Variants in ADGRB1 observed in about 807,000 individuals in gnomAD.
ADGRB1 encodes the protein adhesion G protein-coupled receptor B1.
Under a neutral mutation model 175.7 loss-of-function variants are expected in ADGRB1, and 36 were observed. The observed-to-expected ratio is 0.20, with a 90% CI of 0.16 to 0.27. The LOEUF is 0.27. Among genes scored for constraint, ADGRB1 ranks in the 10% least tolerant of loss-of-function variants. ADGRB1 has a pLI of 1.00. For synonymous variants in ADGRB1, 1,054 were observed against 979.4 expected, an observed-to-expected ratio of 1.08 and a Z score of -1.42; for missense variants, 1,731 against 2,255.3, an observed-to-expected ratio of 0.77 and a Z score of 4.71.
chr8:142,452,903 G>A (rs1275141637), intron 1 of ADGRB1, among the ~76,000 whole-genome samples: 1 of 148,592 alleles, frequency 6.7e-6, no homozygotes, highest in Non-Finnish European at 1.5e-5. Flanking sequence ...GCGCGCTGCC[G>A]CTGACTGCCG....
intron 17 of ADGRB1, among the ~76,000 whole-genome samples, chr8:142,500,204 G>A (rs868577887): frequency 1.0e-4 from 14 of 137,420 alleles, no homozygotes; most frequent in Admixed American, 5.8e-4. Flanking sequence ...GCCCCACACC[G>A]CTCCTCCACT....
At position 142,533,365 on chromosome 8, in the gene ADGRB1, G is replaced by A. The variant is rs371441422; in HGVS notation, c.3469G>A (p.Val1157Ile). 14 of 1,604,548 alleles carry A rather than the reference G, an allele frequency of 8.7e-6. No homozygotes were observed. The highest frequency in any genetic ancestry group is 2.7e-5 in the African/African-American group (2 of 74,854). ...GACCTGGATGTCGGCTGTGCTCGCC[G>A]TCACCGACCGCCGCTCCGCCCTCTT... ...ALTWMSAVLA[V>I]TDRRSALFQI... The change falls in exon 25 of 31, where the codon GTC becomes ATC. Residue 1157 changes from valine (V) to isoleucine (I), a missense_variant. By Grantham distance (29) the Val-to-Ile change is conservative. Around this residue, in one of 8 missense-constraint regions of ADGRB1, gnomAD observed 301 missense variants for 488.4 expected, o/e 0.62. Transcript: ENST00000517894.
chr8:142,477,255 G>T lies in ADGRB1; in HGVS notation c.1199G>T (p.Cys400Phe). 6.3e-7 allele frequency: 1 copy of T among 1,596,462 alleles called. No individual in the cohort carries two copies. ...CSGPLREQRL[C>F]NNSAVCPVHG... ...GGACCCCTGCGCGAGCAGCGGCTGT[G>T]CAACAACTCTGCCGTGTGCCCAGGT... Residue 400 changes from cysteine (C) to phenylalanine (F), a missense_variant, in exon 5 of 31, where the codon TGC becomes TTC. By Grantham distance (205) the Cys-to-Phe change is radical. This residue lies in a region of ADGRB1 where 178 missense variants were observed against 227.8 expected (regional missense o/e 0.78). Coordinates refer to ENST00000517894, the MANE Select transcript of ADGRB1 (RefSeq NM_001702.3).
chr8:142,505,151 C>T (rs1842793043), intron 17 of ADGRB1, among the ~76,000 whole-genome samples: 1 of 152,192 alleles, frequency 6.6e-6, no homozygotes, highest in African/African-American at 2.4e-5. Context: ...GGGCACTGTG[C>T]CTCTGCCATC....
At chr8:142,536,779 G>T in intron 25 of ADGRB1, among the ~76,000 whole-genome samples, 2 of 152,070 alleles carry the variant, frequency 1.3e-5, no homozygotes, top group Non-Finnish European at 2.9e-5. Flanking sequence ...GGGGTAGGCT[G>T]TTCCCCTCCT....
At chr8:142,500,488 T>G (rs1842467976) in intron 17 of ADGRB1, among the ~76,000 whole-genome samples, 1 of 149,354 alleles carries the variant, frequency 6.7e-6, no homozygotes, top group Non-Finnish European at 1.5e-5. Context: ...CGAGGGCATG[T>G]GGAGGGGCGG....
chr8:142,502,817 GTGT>G (rs537473218), intron 17 of ADGRB1, among the ~76,000 whole-genome samples: 56 of 152,010 alleles, frequency 3.7e-4, no homozygotes, highest in African/African-American at 1.2e-3. Flanking sequence ...AGCAATGGTT[GTGT>G]TGTTGATGAT....
intron 1 of ADGRB1, among the ~76,000 whole-genome samples, chr8:142,459,466 C>T (rs1839856256): frequency 6.6e-6 from 1 of 152,294 alleles, no homozygotes; most frequent in African/African-American, 2.4e-5. Context: ...CAGGCCTGGA[C>T]CCCTTTCTCC....
At chr8:142,480,663 T>C (rs1306316410) in intron 9 of ADGRB1, among the ~76,000 whole-genome samples, 3 of 152,234 alleles carry the variant, frequency 2.0e-5, no homozygotes, top group Admixed American at 1.3e-4. Flanking sequence ...CTGCATCCAG[T>C]CCTGTGGCTC....
chr8:142,516,642 G>GTGT (rs1843461382), intron 18 of ADGRB1, among the ~76,000 whole-genome samples: 1 of 130,280 alleles, frequency 7.7e-6, no homozygotes, highest in African/African-American at 3.0e-5. Flanking sequence ...GCGGGTCCCA[G>GTGT]GTGTGTGTGT....
Position 142,493,921 on chromosome 8 carries a change from C to G in ADGRB1, c.2675+3106C>G, listed in dbSNP as rs1842097727. Among the ~76,000 whole-genome samples, 2 of 152,204 alleles carry G rather than the reference C, an allele frequency of 1.3e-5. No homozygotes were observed. Among genetic ancestry groups the G allele is most frequent in the African/African-American group, 4.8e-5 (2 of 41,444 alleles). ...AACTGTCTCCGGGGAGCTGAGTTTC[C>G]CAGTTGACCTGAAGTGGAGACCACG... On this transcript the variant is annotated intron_variant, in intron 17 of 30. Transcript: ENST00000517894. This position sits in a 1 kb window ranked among gnomAD's most constrained non-coding sequence, Gnocchi z 5.0.
rs1013450908 is a variant in ADGRB1 at position 142,464,852 on chromosome 8, C to G, written c.654C>G (p.Gly218=). 4 of 1,521,818 alleles carry G rather than the reference C, an allele frequency of 2.6e-6. No homozygotes were observed. The African/African-American group carries it at 5.6e-5, about 21-fold the overall frequency. 94.3% of individuals were successfully genotyped at this position (1,521,818 alleles called of 1,614,324 possible). A position where few individuals can be genotyped will look rare whatever the true frequency, so the allele number is the denominator to read the frequency against. ...AGACCCCCTGCGCCTGCCTGGGCGG[C>G]GAGGCGGGCGGCCCTGCCGCGGGAC... The part of the protein sequence containing the change: ...IMQTPCACLG[G]EAGGPAAGPL... Residue 218 remains glycine, a synonymous_variant, in exon 2 of 31, where the codon GGC becomes GGG. Transcript: ENST00000517894.
chr8:142,470,540 CCT>C (rs1491516869), intron 2 of ADGRB1, among the ~76,000 whole-genome samples: 1 of 151,370 alleles, frequency 6.6e-6, no homozygotes, highest in East Asian at 1.9e-4. Context: ...GGTGTGTGTC[CCT>C]GTGTGTGTGT....
intron 2 of ADGRB1, among the ~76,000 whole-genome samples, chr8:142,468,182 G>A (rs1209199894): frequency 6.6e-6 from 1 of 152,098 alleles, no homozygotes; most frequent in East Asian, 1.9e-4. Flanking sequence ...TATATGTGGT[G>A]TGGGTGCCCC....
intron 7 of ADGRB1, among the ~76,000 whole-genome samples, chr8:142,478,686 G>A (rs1841143185): frequency 6.6e-6 from 1 of 151,034 alleles, no homozygotes; most frequent in East Asian, 2.0e-4. Flanking sequence ...GTAGCAGGGT[G>A]CACAGTGGGA....
rs762576086 is a variant in ADGRB1 at position 142,478,230 on chromosome 8, C to T, written c.1431C>T (p.Ser477=). The T allele has an allele frequency of 5.0e-6, 8 of 1,607,566 alleles. No homozygotes were observed. The highest frequency in any genetic ancestry group is 1.1e-5 in the South Asian group (1 of 89,904). ...DGNWNEWSSW[S]ACSASCSQGR... ...ACTGGAATGAGTGGTCGAGCTGGAG[C>T]GCCTGCTCCGCCAGCTGCTCCCAGG... The change falls in exon 7 of 31, where the codon AGC becomes AGT. Residue 477 remains serine, a synonymous_variant. Coordinates refer to ENST00000517894, the MANE Select transcript of ADGRB1 (RefSeq NM_001702.3).
At chr8:142,529,660 G>A (rs1844481031) in intron 24 of ADGRB1, among the ~76,000 whole-genome samples, 2 of 150,878 alleles carry the variant, frequency 1.3e-5, no homozygotes, top group African/African-American at 4.9e-5. Context: ...GCGTGTGTGA[G>A]TGTGCATCTG....
chr8:142,475,451 C>T (rs765528755), intron 2 of ADGRB1, 23 bp from the exon 3 acceptor site: 3 of 1,284,192 alleles, frequency 2.3e-6, no homozygotes, highest in African/African-American at 1.5e-5. Flanking sequence ...TGCCCTGATC[C>T]CCGCCCTCTG....
At chr8:142,470,769 C>T (rs1400145611) in intron 2 of ADGRB1, among the ~76,000 whole-genome samples, 2 of 152,134 alleles carry the variant, frequency 1.3e-5, no homozygotes, top group Non-Finnish European at 2.9e-5. Context: ...TGACCGGCCA[C>T]GGAGATGGGG....
Sources: gnomAD v4.1 joint callset for allele counts (sites outside exome capture counted in the v4.1 genomes callset) on GRCh38, gnomAD v4.1.1 for gene constraint, gnomAD v4.1.1 regional missense constraint, Gnocchi (gnomAD v3.1) non-coding constraint, MANE v1.5 for transcripts, NCBI Gene and HGNC (gene_info 2026-07-23, HGNC 2026-07-21) for gene names.